Variants in PKHD1 observed in about 807,000 individuals in gnomAD.
PKHD1 encodes fibrocystin.
PKHD1 carries 291 observed loss-of-function variants against 412.0 expected under a neutral mutation model. That is an observed-to-expected ratio of 0.71 (90% confidence interval 0.64 to 0.78). PKHD1 has a LOEUF of 0.78. Ranked by LOEUF, PKHD1 falls within the 30% of genes least tolerant of loss-of-function variation. The pLI is 0.00. For synonymous variants in PKHD1, 1,777 were observed against 1,821.5 expected, an observed-to-expected ratio of 0.98 and a Z score of 0.62; for missense variants, 4,825 against 4,950.7, an observed-to-expected ratio of 0.97 and a Z score of 0.76.
intron 37 of PKHD1, among the ~76,000 whole-genome samples, chr6:51,923,019 C>T (rs561777328): frequency 7.9e-5 from 12 of 152,266 alleles, no homozygotes; most frequent in East Asian, 7.7e-4. Flanking sequence ...CCATCTTCTG[C>T]GTTGCTCATG....
At position 52,035,661 on chromosome 6, in the gene PKHD1, C is replaced by G. The variant is rs2128168959; in HGVS notation, c.3158G>C (p.Gly1053Ala). 6.2e-7 allele frequency: 1 copy of G among 1,613,904 alleles called. No homozygotes were observed. Among genetic ancestry groups the G allele is most frequent in the Non-Finnish European group, 8.5e-7 (1 of 1,179,858 alleles). ...GACATTGATGGCACACGAGTAAGATCCAAATAATATCAGGCTAACACCTTC... is the reference window on the plus strand; with the variant it reads ...GACATTGATGGCACACGAGTAAGATGCAAATAATATCAGGCTAACACCTTC... ...SLEGVSLILF[G>A]SYSCAINVAT... Residue 1053 changes from glycine (G) to alanine (A), a missense_variant, in exon 28 of 67, where the codon GGA becomes GCA. Coordinates refer to ENST00000371117, the MANE Select transcript of PKHD1 (RefSeq NM_138694.4).
intron 49 of PKHD1, among the ~76,000 whole-genome samples, chr6:51,850,629 G>T (rs770326891): frequency 6.6e-6 from 1 of 151,992 alleles, no homozygotes; most frequent in South Asian, 2.1e-4. Context: ...AGCTGTATAC[G>T]TAGGTATTTT....
chr6:52,001,099 A>G (rs906391052), intron 35 of PKHD1, among the ~76,000 whole-genome samples: 6 of 152,332 alleles, frequency 3.9e-5, no homozygotes, highest in Middle Eastern at 3.4e-3. Flanking sequence ...TTATTTTAAC[A>G]TTGAATACAG....
intron 55 of PKHD1, among the ~76,000 whole-genome samples, chr6:51,756,595 G>T (rs1787049848): frequency 6.6e-6 from 1 of 152,128 alleles, no homozygotes; most frequent in Non-Finnish European, 1.5e-5. Flanking sequence ...TGTTCATGAT[G>T]TATTGATTTC....
At chr6:52,060,108 C>A (rs1004769819) in intron 14 of PKHD1, 66 bp from the exon 15 acceptor site, 1 of 841,422 alleles carries the variant, frequency 1.2e-6, no homozygotes, top group Non-Finnish European at 2.1e-6. Context: ...CAACAAATGA[C>A]TGCCCTTGTA....
At chr6:51,904,748 A>G (rs1781820963) in intron 41 of PKHD1, among the ~76,000 whole-genome samples, 1 of 152,210 alleles carries the variant, frequency 6.6e-6, no homozygotes, top group Non-Finnish European at 1.5e-5. Context: ...AATTCTGCCT[A>G]CAGGTTTTCT....
intron 37 of PKHD1, among the ~76,000 whole-genome samples, chr6:51,931,216 A>G (rs1407127153): frequency 6.6e-6 from 1 of 152,104 alleles, no homozygotes; most frequent in Non-Finnish European, 1.5e-5. Context: ...CCAGAAATCT[A>G]GATTTACAAA....
Position 51,616,669 on chromosome 6 carries a change from C to T in PKHD1, c.*2412G>A. The T allele has an allele frequency of 1.0e-5, 4 of 398,290 alleles. No homozygotes were observed. Among genetic ancestry groups the T allele is most frequent in the Non-Finnish European group, 1.8e-5 (4 of 225,956 alleles). The allele number at this position is 398,290 out of a possible 1,614,324, so 24.7% of individuals were successfully genotyped here. ...TAGCTGCTATTTAGGCCCAAAGAGT[C>T]AATTCTGGCCTCAGGGATCACAGGC... On this transcript the variant is annotated 3_prime_UTR_variant, in exon 67 of 67. Transcript: ENST00000371117.
At chr6:51,656,683 CA>C (rs1771917128) in intron 61 of PKHD1, among the ~76,000 whole-genome samples, 1 of 141,534 alleles carries the variant, frequency 7.1e-6, no homozygotes, top group Non-Finnish European at 1.5e-5. Flanking sequence ...TTTTTTAAGA[CA>C]GTATCTGGCT....
chr6:51,701,212 A>T (rs1779363403), intron 60 of PKHD1, among the ~76,000 whole-genome samples: 1 of 152,122 alleles, frequency 6.6e-6, no homozygotes, highest in Non-Finnish European at 1.5e-5. Flanking sequence ...CCTAATTTTG[A>T]GATCTTTTTA....
chr6:51,943,927 C>A (rs1008789743), intron 36 of PKHD1, among the ~76,000 whole-genome samples: 1 of 151,322 alleles, frequency 6.6e-6, no homozygotes, highest in Non-Finnish European at 1.5e-5. Context: ...TTTCACCATC[C>A]CAACACTTCA....
chr6:51,789,581 GA>G (rs56375928), intron 53 of PKHD1, among the ~76,000 whole-genome samples: 6 of 151,630 alleles, frequency 4.0e-5, no homozygotes, highest in African/African-American at 1.5e-4. Flanking sequence ...GTATGTGTAA[GA>G]AAAAAAATGA....
chr6:51,734,588 T>C (rs1783612360), intron 60 of PKHD1, among the ~76,000 whole-genome samples: 1 of 151,994 alleles, frequency 6.6e-6, no homozygotes, highest in Admixed American at 6.6e-5. Flanking sequence ...GGGGCTGTAA[T>C]GGAGCTGAGC....
chr6:51,976,503 G>GA (rs753042757), intron 35 of PKHD1, among the ~76,000 whole-genome samples: 3 of 152,184 alleles, frequency 2.0e-5, no homozygotes, highest in Non-Finnish European at 2.9e-5. Flanking sequence ...GAGGACTAGG[G>GA]AGTCATTGTT....
At chr6:51,649,371 T>C (rs932283821) in intron 61 of PKHD1, 151 bp from the exon 62 acceptor site, 4 of 662,190 alleles carry the variant, frequency 6.0e-6, no homozygotes, top group South Asian at 3.5e-5. Context: ...CATGGCTTTA[T>C]AGCAAAGGTT....
chr6:52,087,502 T>C lies in PKHD1; in HGVS notation c.-153A>G, dbSNP rs892697670. 4 of 152,216 alleles carry C rather than the reference T, an allele frequency of 2.6e-5. No homozygotes were observed. Among genetic ancestry groups the C allele is most frequent in the African/African-American group, 9.6e-5 (4 of 41,452 alleles). 9.4% of individuals were successfully genotyped at this position (152,216 alleles called of 1,614,324 possible). A position where few individuals can be genotyped will look rare whatever the true frequency, so the allele number is the denominator to read the frequency against. On this transcript the variant is annotated 5_prime_UTR_variant, in exon 1 of 67. Coordinates refer to ENST00000371117, the MANE Select transcript of PKHD1 (RefSeq NM_138694.4). ...GATCCTTTCTTTCTAAGTGATCTTA[T>C]TTCTCTCTGTCAAGAATCCGTGGAC... is the stretch of plus-strand genomic sequence containing the variant.
intron 35 of PKHD1, among the ~76,000 whole-genome samples, chr6:51,993,014 A>G (rs766832956): frequency 3.1e-4 from 47 of 152,170 alleles, no homozygotes; most frequent in Non-Finnish European, 6.0e-4. Flanking sequence ...TAGCCTTGCA[A>G]TTTCTTAATG....
intron 60 of PKHD1, among the ~76,000 whole-genome samples, chr6:51,731,138 C>T (rs1002989855): frequency 2.6e-5 from 4 of 152,008 alleles, no homozygotes; most frequent in Non-Finnish European, 4.4e-5. Flanking sequence ...ATTAAAGCAG[C>T]AACGCAGGGT....
At chr6:51,890,350 T>C (rs1778908812) in intron 43 of PKHD1, among the ~76,000 whole-genome samples, 1 of 151,894 alleles carries the variant, frequency 6.6e-6, no homozygotes, top group South Asian at 2.1e-4. Flanking sequence ...AACAAGAGAG[T>C]ACAAAGAAAA....
Sources: allele counts gnomAD v4.1 joint callset (sites outside exome capture counted in the v4.1 genomes callset), GRCh38; gene constraint gnomAD v4.1.1; transcripts MANE v1.5; gene names NCBI Gene and HGNC (gene_info 2026-07-23, HGNC 2026-07-21).